COL19A1: variants seen among roughly 807,000 people sequenced by gnomAD.
COL19A1 encodes the protein collagen type XIX alpha 1 chain, also known as collagen alpha-1(XIX) chain.
In COL19A1, 159 loss-of-function variants were observed where a neutral mutation model predicts 190.2. That is an observed-to-expected ratio of 0.84 (90% confidence interval 0.73 to 0.95). COL19A1 has a LOEUF of 0.95. Ranked by LOEUF, COL19A1 falls within the 40% of genes least tolerant of loss-of-function variation. COL19A1 has a pLI of 0.00. For synonymous variants in COL19A1, 509 were observed against 458.9 expected (o/e 1.11, Z -1.39); for missense variants, 1,418 against 1,431.9 (o/e 0.99, Z 0.16).
intron 15 of COL19A1, among the ~76,000 whole-genome samples, chr6:70,080,778 G>A (rs1348149514): frequency 6.6e-6 from 1 of 152,068 alleles, no homozygotes. Flanking sequence ...GTTTCCAAGC[G>A]AGGAAATGCC....
At chr6:70,122,877 A>G (rs1036430784) in intron 17 of COL19A1, among the ~76,000 whole-genome samples, 1 of 152,208 alleles carries the variant, frequency 6.6e-6, no homozygotes, top group Non-Finnish European at 1.5e-5. Flanking sequence ...TAGATAATTT[A>G]TGGTTGACAA....
rs1227576905 is a variant in COL19A1 at position 69,911,712 on chromosome 6, G to A, written c.266+11374G>A. Reference sequence around the variant, plus strand: ...GGAGGCAACCCCCCTTCTTTCAAAGGTTAACCCCTTCACTTGTGCTCTTAA... The same window carrying A: ...GGAGGCAACCCCCCTTCTTTCAAAGATTAACCCCTTCACTTGTGCTCTTAA... On this transcript the variant is annotated intron_variant, in intron 4 of 50. Transcript: ENST00000620364. Among the ~76,000 whole-genome samples the A allele has an allele frequency of 2.6e-5, 4 of 152,024 alleles. No individual in the cohort carries two copies. The East Asian group carries it at 7.7e-4, about 29-fold the overall frequency.
intron 44 of COL19A1, among the ~76,000 whole-genome samples, chr6:70,184,396 C>A (rs901528240): frequency 3.3e-5 from 5 of 152,206 alleles, no homozygotes; most frequent in African/African-American, 1.2e-4. Context: ...GAGGACCATG[C>A]ATTTTTCATG....
intron 11 of COL19A1, among the ~76,000 whole-genome samples, chr6:69,980,128 TGTA>T (rs1775958958): frequency 6.6e-6 from 1 of 151,970 alleles, no homozygotes; most frequent in South Asian, 2.1e-4. Context: ...GAAAGAGAAA[TGTA>T]GTAATTTAGA....
At chr6:70,091,398 A>G (rs1321201467) in intron 15 of COL19A1, among the ~76,000 whole-genome samples, 1 of 152,216 alleles carries the variant, frequency 6.6e-6, no homozygotes, top group African/African-American at 2.4e-5. Flanking sequence ...CTATTGAGAC[A>G]GAATTCAAGG....
intron 44 of COL19A1, 61 bp downstream of exon 44, chr6:70,180,584 C>T (rs1450009324): frequency 1.3e-6 from 2 of 1,512,782 alleles, no homozygotes; most frequent in African/African-American, 1.4e-5. Context: ...ATTATCTCCT[C>T]ATCTACCACC....
At chr6:70,183,754 G>A (rs566107258) in intron 44 of COL19A1, among the ~76,000 whole-genome samples, 6 of 152,298 alleles carry the variant, frequency 3.9e-5, no homozygotes, top group South Asian at 2.1e-4. Flanking sequence ...GTGAAAACAC[G>A]CAGTTCTTTG....
At chr6:70,141,255 C>G (rs1243664329) in intron 20 of COL19A1, among the ~76,000 whole-genome samples, 1 of 151,886 alleles carries the variant, frequency 6.6e-6, no homozygotes, top group Non-Finnish European at 1.5e-5. Flanking sequence ...AGTGATTGGA[C>G]ATGAATGTTA....
rs1404344041 is a variant in COL19A1, at chr6:70,207,879, A to G, written c.*605A>G. 6.6e-6 allele frequency: 1 copy of G among 152,228 alleles called. No homozygotes were observed. Among genetic ancestry groups the G allele is most frequent in the Non-Finnish European group, 1.5e-5 (1 of 68,040 alleles). 9.4% of individuals were successfully genotyped at this position (152,228 alleles called of 1,614,324 possible). A position where few individuals can be genotyped will look rare whatever the true frequency, so the allele number is the denominator to read the frequency against. On this transcript the variant is annotated 3_prime_UTR_variant, in exon 51 of 51. Coordinates refer to ENST00000620364, the MANE Select transcript of COL19A1 (RefSeq NM_001858.6). Reference sequence around the variant, plus strand: ...TATGTTTTCAAAAAAAAAATGCAGGAAACTGTTTTATCAGGGAGCCCAAAC... The same window carrying G: ...TATGTTTTCAAAAAAAAAATGCAGGGAACTGTTTTATCAGGGAGCCCAAAC...
chr6:69,989,546 T>A (rs1045121963), intron 11 of COL19A1, among the ~76,000 whole-genome samples: 1 of 142,632 alleles, frequency 7.0e-6, no homozygotes, highest in Non-Finnish European at 1.5e-5. Context: ...ATAATGAGAG[T>A]TTTTTACTTT....
chr6:69,956,935 G>T (rs1429272453), intron 9 of COL19A1, among the ~76,000 whole-genome samples: 1 of 151,760 alleles, frequency 6.6e-6, no homozygotes, highest in African/African-American at 2.4e-5. Context: ...TTAATCAAAG[G>T]CTGAATGTCT....
intron 2 of COL19A1, among the ~76,000 whole-genome samples, chr6:69,895,633 C>T (rs1366636484): frequency 1.3e-5 from 2 of 152,244 alleles, no homozygotes; most frequent in Non-Finnish European, 2.9e-5. Flanking sequence ...GTCCTCCCCA[C>T]TGCAAAGAGT....
At chr6:70,058,258 T>A (rs1780621933) in intron 14 of COL19A1, among the ~76,000 whole-genome samples, 1 of 152,090 alleles carries the variant, frequency 6.6e-6, no homozygotes, top group South Asian at 2.1e-4. Context: ...TTGTGTCCCA[T>A]GTCTGAAATG....
chr6:70,152,840 T>C (rs1419297596), intron 31 of COL19A1, among the ~76,000 whole-genome samples: 1 of 152,152 alleles, frequency 6.6e-6, no homozygotes, highest in Non-Finnish European at 1.5e-5. Context: ...CTTAGGGTTC[T>C]TTAAGGATGA....
At chr6:70,108,414 A>G (rs1784096386) in intron 16 of COL19A1, among the ~76,000 whole-genome samples, 1 of 152,170 alleles carries the variant, frequency 6.6e-6, no homozygotes, top group South Asian at 2.1e-4. Context: ...AGAAATTCAA[A>G]AAATTTTGTA....
chr6:69,931,895 A>T (rs1039954453), intron 6 of COL19A1, among the ~76,000 whole-genome samples: 1 of 152,058 alleles, frequency 6.6e-6, no homozygotes, highest in South Asian at 2.1e-4. Context: ...ATTCACCTCT[A>T]ATCACAAATG....
At chr6:70,122,259 T>C (rs1291168593) in intron 17 of COL19A1, among the ~76,000 whole-genome samples, 3 of 152,184 alleles carry the variant, frequency 2.0e-5, no homozygotes, top group African/African-American at 7.2e-5. Context: ...AGAAATTATT[T>C]GATACTTTGA....
chr6:70,105,911 T>A (rs781145966), intron 16 of COL19A1, among the ~76,000 whole-genome samples: 1 of 152,222 alleles, frequency 6.6e-6, no homozygotes, highest in Non-Finnish European at 1.5e-5. Flanking sequence ...CATTTAAACA[T>A]TATGTTTGAG....
At chr6:70,177,272 A>T (rs979308974) in intron 42 of COL19A1, among the ~76,000 whole-genome samples, 26 of 152,250 alleles carry the variant, frequency 1.7e-4, no homozygotes, top group African/African-American at 6.0e-4. Flanking sequence ...CAGGTCCAGG[A>T]TAACATTACA....
Sources: allele counts gnomAD v4.1 joint callset (sites outside exome capture counted in the v4.1 genomes callset), GRCh38; gene constraint gnomAD v4.1.1; transcripts MANE v1.5; gene names NCBI Gene and HGNC (gene_info 2026-07-23, HGNC 2026-07-21).